The following SKA2 variants were observed in gnomAD, a reference collection of about 807,000 sequenced individuals.
SKA2 encodes the protein spindle and kinetochore associated complex subunit 2, also known as spindle and kinetochore-associated protein 2.
A neutral mutation model predicts 16.9 loss-of-function variants in SKA2; 13 were observed. The observed-to-expected ratio is 0.77, with a 90% confidence interval of 0.50 to 1.22. The LOEUF is 1.22. SKA2 is among the 50% of genes most tolerant of loss of function. SKA2 has a pLI of 0.00. For missense variants in SKA2, 107 were observed against 139.7 expected, an observed-to-expected ratio of 0.77 and a Z score of 1.18; for synonymous variants, 47 against 48.5, an observed-to-expected ratio of 0.97 and a Z score of 0.13.
intron 2 of SKA2, among the ~76,000 whole-genome samples, chr17:59,126,821 C>G (rs2046375412): frequency 6.6e-6 from 1 of 152,156 alleles, no homozygotes; most frequent in South Asian, 2.1e-4. Context: ...TACCAGTGTT[C>G]ATAGTAGCAT....
intron 1 of SKA2, among the ~76,000 whole-genome samples, chr17:59,150,645 G>A (rs1181130186): frequency 6.6e-6 from 1 of 152,142 alleles, no homozygotes; most frequent in Non-Finnish European, 1.5e-5. Context: ...AGGAGGCTGA[G>A]GAGGGAGGAT....
intron 1 of SKA2, among the ~76,000 whole-genome samples, chr17:59,147,244 A>AAAAAAT (rs1226135864): frequency 2.0e-5 from 3 of 151,988 alleles, no homozygotes; most frequent in Non-Finnish European, 4.4e-5. Context: ...AAAAACAAAA[A>AAAAAAT]CAAAATCAAA....
Position 59,112,360 on chromosome 17 carries a change from A to G in SKA2, c.298-15T>C, listed in dbSNP as rs1479535768. The G allele has an allele frequency of 6.3e-7, 1 of 1,592,452 alleles. No homozygotes were observed. Among genetic ancestry groups the G allele is most frequent in the East Asian group, 2.2e-5 (1 of 44,674 alleles). ...AGTGGTGACAGCTAGAAAATAAATG[A>G]TAAAATCTTTATTTCAAAAACTTTC... is the stretch of plus-strand genomic sequence containing the variant. On this transcript the variant is annotated splice_polypyrimidine_tract_variant and intron_variant, in intron 3 of 3. Coordinates refer to ENST00000330137, the MANE Select transcript of SKA2 (RefSeq NM_182620.4).
At chr17:59,147,274 C>G (rs1008058674) in intron 1 of SKA2, among the ~76,000 whole-genome samples, 2 of 151,930 alleles carry the variant, frequency 1.3e-5, no homozygotes, top group African/African-American at 4.8e-5. Context: ...ACTATTCTAA[C>G]AGCCCACTAG....
chr17:59,154,828 G>A (rs1173055193), intron 1 of SKA2: 2 of 954,472 alleles, frequency 2.1e-6, no homozygotes, highest in Admixed American at 2.2e-5. Flanking sequence ...CACAGAATGC[G>A]GTCTGCACCC....
intron 2 of SKA2, chr17:59,124,321 ACG>A (rs1194477158): frequency 3.3e-5 from 5 of 151,866 alleles, no homozygotes; most frequent in African/African-American, 1.2e-4. Context: ...ATTTCCACCT[ACG>A]CAGGAGACTG....
intron 3 of SKA2, among the ~76,000 whole-genome samples, chr17:59,116,591 A>G (rs1313506155): frequency 6.6e-6 from 1 of 151,966 alleles, no homozygotes; most frequent in Non-Finnish European, 1.5e-5. Flanking sequence ...TACATTTTCT[A>G]CCCTTCCAAA....
chr17:59,118,847 A>AAGCC (rs1161662571), intron 3 of SKA2, among the ~76,000 whole-genome samples: 7 of 152,222 alleles, frequency 4.6e-5, no homozygotes, highest in African/African-American at 7.2e-5. Context: ...CTCTAGCTAC[A>AAGCC]AGCCCATAAT....
At chr17:59,137,063 T>G (rs1056291557) in intron 1 of SKA2, among the ~76,000 whole-genome samples, 3 of 152,132 alleles carry the variant, frequency 2.0e-5, no homozygotes, top group Non-Finnish European at 4.4e-5. Context: ...CCCAGGCGAG[T>G]GCAGTGGCAC....
At chr17:59,145,170 G>A (rs1289016712) in intron 1 of SKA2, among the ~76,000 whole-genome samples, 1 of 152,086 alleles carries the variant, frequency 6.6e-6, no homozygotes, top group Non-Finnish European at 1.5e-5. Flanking sequence ...CATTATGAAT[G>A]TATTTAATAC....
In SKA2 at chr17:59,126,184, GAATAAATA is replaced by G. The variant is rs56288903; in HGVS notation, c.120+5089_120+5096del. On this transcript the variant is annotated intron_variant, in intron 2 of 3. Coordinates refer to ENST00000330137, the MANE Select transcript of SKA2 (RefSeq NM_182620.4). ...AGACTCCGTCTCAAAATAAATAAAT[GAATAAATA>G]AATAAATAAATAAATAAATAAAATT... Among the ~76,000 whole-genome samples the G allele has an allele frequency of 2.7e-4, 40 of 149,650 alleles. 1 individual carries two copies. The highest frequency in any genetic ancestry group is 7.8e-4 in the East Asian group (4 of 5,096).
At chr17:59,148,141 A>G (rs1454814063) in intron 1 of SKA2, among the ~76,000 whole-genome samples, 1 of 152,164 alleles carries the variant, frequency 6.6e-6, no homozygotes, top group Non-Finnish European at 1.5e-5. Context: ...TGCCCAGCCA[A>G]AAAAAGAAAA....
intron 1 of SKA2, among the ~76,000 whole-genome samples, chr17:59,139,266 G>A (rs899730460): frequency 5.3e-5 from 8 of 151,964 alleles, no homozygotes; most frequent in African/African-American, 1.9e-4. Context: ...GCATGGTGGT[G>A]GATGCCTATA....
At chr17:59,115,373 A>G (rs1259314553) in intron 3 of SKA2, among the ~76,000 whole-genome samples, 1 of 151,996 alleles carries the variant, frequency 6.6e-6, no homozygotes, top group Non-Finnish European at 1.5e-5. Flanking sequence ...TTAAATTTAT[A>G]TAGCCACATT....
chr17:59,145,678 T>TAA (rs1555713258), intron 1 of SKA2, among the ~76,000 whole-genome samples: 4 of 152,154 alleles, frequency 2.6e-5, no homozygotes, highest in Non-Finnish European at 5.9e-5. Flanking sequence ...TAGCCTCTGT[T>TAA]ACTAGCCCGA....
At chr17:59,128,355 T>C (rs1305795590) in intron 2 of SKA2, among the ~76,000 whole-genome samples, 1 of 151,922 alleles carries the variant, frequency 6.6e-6, no homozygotes, top group Admixed American at 6.6e-5. Flanking sequence ...CCAGGTGCAG[T>C]GGCTCATGCC....
chr17:59,112,475 G>C, intron 3 of SKA2, 130 bp from the exon 4 acceptor site: 1 of 640,746 alleles, frequency 1.6e-6, no homozygotes, highest in Non-Finnish European at 2.6e-6. Context: ...CACAGATTTA[G>C]AAAGGCAAGG....
chr17:59,152,194 G>C (rs913039335), intron 1 of SKA2, among the ~76,000 whole-genome samples: 1 of 152,156 alleles, frequency 6.6e-6, no homozygotes, highest in South Asian at 2.1e-4. Context: ...ATCATTAAGT[G>C]AAGGGGAAAA....
chr17:59,128,096 T>G (rs531880681), intron 2 of SKA2, among the ~76,000 whole-genome samples: 221 of 151,642 alleles, frequency 1.5e-3, no homozygotes, highest in African/African-American at 5.2e-3. Flanking sequence ...GCACCTGTAC[T>G]CCTAGCTACT....
Sources: gnomAD v4.1 joint callset for allele counts (sites outside exome capture counted in the v4.1 genomes callset) on GRCh38, gnomAD v4.1.1 for gene constraint, MANE v1.5 for transcripts, NCBI Gene and HGNC (gene_info 2026-07-23, HGNC 2026-07-21) for gene names.